ZC3H12B: variants seen among roughly 807,000 people sequenced by gnomAD.
The protein encoded by ZC3H12B is zinc finger CCCH-type containing 12B, also known as probable ribonuclease ZC3H12B.
A neutral mutation model predicts 43.9 loss-of-function variants in ZC3H12B; 7 were observed. The observed-to-expected ratio is 0.16, with a 90% CI of 0.09 to 0.30. The LOEUF (loss-of-function observed/expected upper bound fraction) is 0.30. Ranked by LOEUF, ZC3H12B falls within the 10% of genes least tolerant of loss-of-function variation. ZC3H12B has a pLI of 1.00. For missense variants in ZC3H12B, 475 were observed against 670.2 expected (o/e 0.71, Z 3.22); for synonymous variants, 222 against 241.7 (o/e 0.92, Z 0.76).
At chrX:65,461,117 A>T (rs919324829) in intron 3 of ZC3H12B, among the ~76,000 whole-genome samples, 5 of 112,495 alleles carry the variant, frequency 4.4e-5, no homozygotes, top group Non-Finnish European at 9.4e-5. Flanking sequence ...GCTCATCATC[A>T]CTGGCCAACA....
At chrX:65,222,555 A>C in the ZC3H12B span, among the ~76,000 whole-genome samples, 119 of 108,084 alleles carry the variant, frequency 1.1e-3, no homozygotes, top group African/African-American at 3.7e-3. Flanking sequence ...AATAGCAACT[A>C]AGCTGAGAAT....
the ZC3H12B span, among the ~76,000 whole-genome samples, chrX:65,146,294 T>C: frequency 1.1e-4 from 12 of 111,873 alleles, no homozygotes; most frequent in East Asian, 2.5e-3. Context: ...TTCCAGAGCA[T>C]TTTGCATTTC....
At chrX:65,425,225 G>T (rs2067066477) in intron 3 of ZC3H12B, among the ~76,000 whole-genome samples, 1 of 110,567 alleles carries the variant, frequency 9.0e-6, no homozygotes, top group Non-Finnish European at 1.9e-5. Flanking sequence ...TCATTTTGTG[G>T]CATTTGTGAA....
intron 3 of ZC3H12B, among the ~76,000 whole-genome samples, chrX:65,421,124 C>A (rs1394478204): frequency 1.8e-5 from 2 of 112,264 alleles, no homozygotes; most frequent in Non-Finnish European, 3.8e-5. Context: ...ACTATGCTGA[C>A]TGGACCTAGT....
chrX:65,292,462 A>T, the ZC3H12B span, among the ~76,000 whole-genome samples: 1 of 110,499 alleles, frequency 9.0e-6, no homozygotes, highest in Non-Finnish European at 1.9e-5. Flanking sequence ...AGCAACATAC[A>T]CTGGGGCTTA....
At chrX:65,136,351 G>A in the ZC3H12B span, among the ~76,000 whole-genome samples, 1 of 111,110 alleles carries the variant, frequency 9.0e-6, no homozygotes, top group South Asian at 3.9e-4. Flanking sequence ...TACTGACACT[G>A]TGTGTGTTTG....
chrX:65,227,245 A>G, the ZC3H12B span, among the ~76,000 whole-genome samples: 1 of 111,628 alleles, frequency 9.0e-6, no homozygotes, highest in Non-Finnish European at 1.9e-5. Context: ...AAACCGCTCA[A>G]CTACATGGAA....
chrX:65,054,982 T>C, the ZC3H12B span, among the ~76,000 whole-genome samples: 45 of 111,856 alleles, frequency 4.0e-4, no homozygotes, highest in Non-Finnish European at 6.6e-4. Flanking sequence ...AAGGAGATTT[T>C]GGGCTGAGAC....
chrX:65,182,958 T>G, the ZC3H12B span, among the ~76,000 whole-genome samples: 1 of 111,963 alleles, frequency 8.9e-6, no homozygotes, highest in African/African-American at 3.2e-5. Flanking sequence ...AAGGCAACAC[T>G]TATATACTGC....
At chrX:65,166,347 A>G in the ZC3H12B span, among the ~76,000 whole-genome samples, 1 of 111,433 alleles carries the variant, frequency 9.0e-6, no homozygotes, top group African/African-American at 3.3e-5. Context: ...TTCCAGCTTC[A>G]TCCATGTCCC....
chrX:65,384,123 T>G (rs1311697464), intron 2 of ZC3H12B, among the ~76,000 whole-genome samples: 1 of 102,123 alleles, frequency 9.8e-6, no homozygotes, highest in Non-Finnish European at 2.0e-5. Context: ...CCAACCCAAA[T>G]GTCCAACAAT....
chrX:65,356,988 A>G, the ZC3H12B span: 1 of 497,905 alleles, frequency 2.0e-6, no homozygotes, highest in Non-Finnish European at 3.7e-6. Context: ...TATTCCTCTC[A>G]TGGTGTATAA....
chrX:65,156,980 TTTAA>T, the ZC3H12B span, among the ~76,000 whole-genome samples: 2 of 111,750 alleles, frequency 1.8e-5, no homozygotes, highest in Non-Finnish European at 3.8e-5. Flanking sequence ...TCTTTCTTCC[TTTAA>T]TTTTTATTAA....
the ZC3H12B span, among the ~76,000 whole-genome samples, chrX:65,187,766 G>A: frequency 9.2e-6 from 1 of 108,855 alleles, no homozygotes; most frequent in Non-Finnish European, 1.9e-5. Context: ...AGAATACATG[G>A]GGTATCTGTG....
At chrX:65,312,615 G>T in the ZC3H12B span, among the ~76,000 whole-genome samples, 2 of 111,468 alleles carry the variant, frequency 1.8e-5, no homozygotes, top group African/African-American at 3.3e-5. Flanking sequence ...CATAAACTAG[G>T]TAGTTTATAA....
At chrX:65,432,046 G>A (rs1173229126) in intron 3 of ZC3H12B, among the ~76,000 whole-genome samples, 1 of 111,877 alleles carries the variant, frequency 8.9e-6, no homozygotes, top group Non-Finnish European at 1.9e-5. Context: ...CTCCCCATGA[G>A]GACACAGGTA....
At chrX:65,127,898 G>T in the ZC3H12B span, among the ~76,000 whole-genome samples, 1 of 111,334 alleles carries the variant, frequency 9.0e-6, no homozygotes, top group Non-Finnish European at 1.9e-5. Flanking sequence ...AATAGCACCA[G>T]TCTATTTCCA....
chrX:65,326,422 G>A, the ZC3H12B span, among the ~76,000 whole-genome samples: 2 of 111,037 alleles, frequency 1.8e-5, no homozygotes, highest in African/African-American at 6.5e-5. Context: ...GACAAATCCT[G>A]CATGTTCTCA....
the ZC3H12B span, among the ~76,000 whole-genome samples, chrX:65,171,009 A>G: frequency 9.0e-6 from 1 of 111,615 alleles, no homozygotes; most frequent in Non-Finnish European, 1.9e-5. Flanking sequence ...GAAGTTTGTT[A>G]TTACCGATTG....
Sources: gnomAD v4.1 joint callset for allele counts (sites outside exome capture counted in the v4.1 genomes callset) on GRCh38, gnomAD v4.1.1 for gene constraint, MANE v1.5 for transcripts, NCBI Gene and HGNC (gene_info 2026-07-23, HGNC 2026-07-21) for gene names.